SLC41A3: variants seen among roughly 807,000 people sequenced by gnomAD.
The protein encoded by SLC41A3 is SLC41A1-like 2.
A neutral mutation model predicts 45.4 loss-of-function variants in SLC41A3; 44 were observed. The ratio of observed to expected loss-of-function variants is 0.97; its 90% CI spans 0.76 to 1.25. SLC41A3 has a LOEUF of 1.25. SLC41A3 is among the 50% of genes most tolerant of loss of function. SLC41A3 has a pLI of 0.00. For synonymous variants in SLC41A3, 256 were observed against 252.4 expected, an observed-to-expected ratio of 1.01 and a Z score of -0.13; for missense variants, 550 against 600.6, an observed-to-expected ratio of 0.92 and a Z score of 0.88.
chr3:126,044,376 C>T (rs1942801475), intron 3 of SLC41A3, among the ~76,000 whole-genome samples: 1 of 152,124 alleles, frequency 6.6e-6, no homozygotes, highest in Admixed American at 6.5e-5. Context: ...ACTTCAATAC[C>T]ACATCATCAA....
At chr3:126,015,181 G>A (rs1398975875) in intron 8 of SLC41A3, among the ~76,000 whole-genome samples, 3 of 152,230 alleles carry the variant, frequency 2.0e-5, no homozygotes, top group South Asian at 2.1e-4. Context: ...AGGTGCCATC[G>A]AGGCCGGAGT....
At chr3:126,043,902 CAAAT>C (rs1942768923) in intron 3 of SLC41A3, among the ~76,000 whole-genome samples, 1 of 148,688 alleles carries the variant, frequency 6.7e-6, no homozygotes, top group Admixed American at 6.7e-5. Flanking sequence ...ACACAGAAAA[CAAAT>C]AAAATTGCAA....
chr3:126,055,776 C>T (rs1943616791), intron 2 of SLC41A3, among the ~76,000 whole-genome samples: 1 of 152,152 alleles, frequency 6.6e-6, no homozygotes, highest in Non-Finnish European at 1.5e-5. Flanking sequence ...AGCAAATCTC[C>T]CTCAGCACAC....
At chr3:126,040,302 G>T (rs932033386) in intron 3 of SLC41A3, among the ~76,000 whole-genome samples, 50 of 152,170 alleles carry the variant, frequency 3.3e-4, no homozygotes, top group African/African-American at 1.1e-3. Flanking sequence ...TTCTAGCATT[G>T]AGGAGATCGT....
At chr3:126,079,794 G>A (rs1408424697) in intron 1 of SLC41A3, among the ~76,000 whole-genome samples, 1 of 152,156 alleles carries the variant, frequency 6.6e-6, no homozygotes, top group South Asian at 2.1e-4. Context: ...TGAGCAAAAA[G>A]AATAAAGCTT....
At chr3:126,035,770 T>C (rs929617945) in intron 3 of SLC41A3, among the ~76,000 whole-genome samples, 6 of 151,778 alleles carry the variant, frequency 4.0e-5, no homozygotes, top group Admixed American at 3.9e-4. Flanking sequence ...AGAAGGCAAG[T>C]GGAGAAGACA....
At chr3:126,025,945 G>T (rs1221601292) in intron 5 of SLC41A3, among the ~76,000 whole-genome samples, 2 of 152,172 alleles carry the variant, frequency 1.3e-5, no homozygotes, top group Non-Finnish European at 2.9e-5. Context: ...CCCATCACAG[G>T]CCTGTGTGTA....
chr3:126,014,822 TATCAGAC>T (rs1940109854), intron 8 of SLC41A3, among the ~76,000 whole-genome samples: 1 of 152,164 alleles, frequency 6.6e-6, no homozygotes, highest in Admixed American at 6.5e-5. Flanking sequence ...TACAGAAACT[TATCAGAC>T]ACCAGACACC....
upstream of SLC41A3, among the ~76,000 whole-genome samples, chr3:126,086,975 TAATA>T (rs1468206622): frequency 1.3e-5 from 2 of 152,184 alleles, no homozygotes; most frequent in African/African-American, 2.4e-5. Context: ...GTAAAATATT[TAATA>T]AATAAACTGT....
chr3:126,010,614 C>T (rs955636336), intron 9 of SLC41A3, among the ~76,000 whole-genome samples: 7 of 152,214 alleles, frequency 4.6e-5, no homozygotes, highest in African/African-American at 7.2e-5. Context: ...ACTGCAGCCC[C>T]GACCTCATCA....
At chr3:126,023,713 G>A (rs1941110474) in intron 5 of SLC41A3, 1 of 152,204 alleles carries the variant, frequency 6.6e-6, no homozygotes, top group African/African-American at 2.4e-5. Flanking sequence ...TGCCTCCGAA[G>A]TCCTCCTTCC....
At chr3:126,020,988 A>G (rs543953405) in intron 6 of SLC41A3, among the ~76,000 whole-genome samples, 9 of 151,140 alleles carry the variant, frequency 6.0e-5, no homozygotes, top group Non-Finnish European at 1.0e-4. Flanking sequence ...TTCGCCTCCC[A>G]GGTTCACGCC....
chr3:126,060,189 C>T (rs541198703), intron 2 of SLC41A3, among the ~76,000 whole-genome samples: 10 of 152,234 alleles, frequency 6.6e-5, no homozygotes, highest in South Asian at 6.2e-4. Context: ...GAGGCTGAGG[C>T]GGGCAGATCA....
chr3:126,083,874 A>G (rs1256103298), intron 1 of SLC41A3: 2 of 80,188 alleles, frequency 2.5e-5, no homozygotes, highest in African/African-American at 9.6e-5. Flanking sequence ...CCTCGTGTTT[A>G]CCTCATCTCC....
intron 8 of SLC41A3, among the ~76,000 whole-genome samples, chr3:126,013,022 A>G (rs960439589): frequency 2.0e-5 from 3 of 152,004 alleles, no homozygotes; most frequent in Admixed American, 6.6e-5. Context: ...TAGGTTCTCA[A>G]TAAGTATTTG....
upstream of SLC41A3, among the ~76,000 whole-genome samples, chr3:126,086,498 CTGTG>C (rs57609698): frequency 7.5e-3 from 994 of 133,160 alleles, 5 homozygotes; most frequent in East Asian, 0.028. Context: ...GCTATAGGAT[CTGTG>C]TGTGTGTGTG....
At chr3:126,034,111 C>T (rs1387024797) in intron 3 of SLC41A3, among the ~76,000 whole-genome samples, 1 of 152,230 alleles carries the variant, frequency 6.6e-6, no homozygotes, top group Non-Finnish European at 1.5e-5. Context: ...TACTGTGAAG[C>T]CCAGTCTTTG....
chr3:126,071,870 A>G (rs1944635900), intron 1 of SLC41A3, among the ~76,000 whole-genome samples: 1 of 151,596 alleles, frequency 6.6e-6, no homozygotes. Flanking sequence ...TCTGGGGCTC[A>G]TGTAATCCTC....
rs780944141 is a variant in SLC41A3 at position 126,056,336 on chromosome 3, C to A, written c.274-5286G>T. 5 of 1,609,570 alleles carry A rather than the reference C, an allele frequency of 3.1e-6. No individual in the cohort carries two copies. The Admixed American group carries it at 5.0e-5, about 16-fold the overall frequency. On this transcript the variant is annotated intron_variant, in intron 2 of 10. Transcript: ENST00000360370. ...AGTCTGTGTGTCTCCCACCCCTGAT[C>A]CCCCAAACACCCAGTACGCACTTGA...
Sources: gnomAD v4.1 joint callset for allele counts (sites outside exome capture counted in the v4.1 genomes callset) on GRCh38, gnomAD v4.1.1 for gene constraint, MANE v1.5 for transcripts, NCBI Gene and HGNC (gene_info 2026-07-23, HGNC 2026-07-21) for gene names.